AADACL2: variants seen among roughly 807,000 people sequenced by gnomAD.
The protein encoded by AADACL2 is arylacetamide deacetylase-like 2.
AADACL2 carries 23 observed loss-of-function variants against 22.3 expected under a neutral mutation model. That is an observed-to-expected ratio of 1.03 (90% CI 0.74 to 1.46). The LOEUF (loss-of-function observed/expected upper bound fraction) is 1.46. Among genes scored for constraint, AADACL2 ranks in the 40% most tolerant of loss-of-function variants. The pLI, the probability that AADACL2 is intolerant of heterozygous loss-of-function variation, is 0.00. For missense variants in AADACL2, 472 were observed against 482.9 expected, an observed-to-expected ratio of 0.98 and a Z score of 0.21; for synonymous variants, 177 against 166.2, an observed-to-expected ratio of 1.07 and a Z score of -0.50.
intron 2 of AADACL2, among the ~76,000 whole-genome samples, chr3:151,741,622 G>A (rs771419006): frequency 5.9e-5 from 9 of 152,108 alleles, no homozygotes; most frequent in East Asian, 3.9e-4. Flanking sequence ...TATATCATGT[G>A]TTAAAATGGT....
chr3:151,749,641 C>T (rs1337481731), intron 4 of AADACL2, among the ~76,000 whole-genome samples: 1 of 152,054 alleles, frequency 6.6e-6, no homozygotes, highest in Non-Finnish European at 1.5e-5. Context: ...CGCCATCATG[C>T]CTGGCTAATT....
At chr3:151,747,573 G>C (rs1713494742) in intron 4 of AADACL2, among the ~76,000 whole-genome samples, 1 of 151,738 alleles carries the variant, frequency 6.6e-6, no homozygotes. Context: ...CCAATGACAG[G>C]ATTTTCTTCT....
chr3:151,747,121 G>A lies in AADACL2; in HGVS notation c.603+1441G>A, dbSNP rs192497400. Among the ~76,000 whole-genome samples, 598 of 152,000 alleles carry A rather than the reference G, an allele frequency of 3.9e-3. 4 individuals carry two copies. The highest frequency in any genetic ancestry group is 0.014 in the African/African-American group (574 of 41,466). ...GTTGTATTGAGGTACAGTTGAAAAG[G>A]AAAAATCATATGTATTTAAGATGTA... On this transcript the variant is annotated intron_variant, in intron 4 of 4. Transcript: ENST00000356517.
chr3:151,736,800 A>G (rs1040534185), intron 1 of AADACL2, among the ~76,000 whole-genome samples: 11 of 152,276 alleles, frequency 7.2e-5, no homozygotes, highest in African/African-American at 2.6e-4. Context: ...TGCATGTGTC[A>G]TTACAGTAGA....
chr3:151,740,498 C>A (rs1351825818), intron 1 of AADACL2, 148 bp from the exon 2 acceptor site: 2 of 591,188 alleles, frequency 3.4e-6, no homozygotes, highest in Non-Finnish European at 5.6e-6. Context: ...AAGATCTTTA[C>A]AGTATTATTT....
chr3:151,745,503 T>C lies in AADACL2; in HGVS notation c.432-6T>C. ...CCATAAATGCTTTATTATTCTTTCT[T>C]TAAAGCTATAGGCTGGCTCCTCAAC... On this transcript the variant is annotated splice_region_variant and splice_polypyrimidine_tract_variant and intron_variant, in intron 3 of 4. Coordinates refer to ENST00000356517, the MANE Select transcript of AADACL2 (RefSeq NM_207365.4). 1 of 1,608,778 alleles carries C rather than the reference T, an allele frequency of 6.2e-7. No homozygotes were observed. The highest frequency in any genetic ancestry group is 8.5e-7 in the Non-Finnish European group (1 of 1,178,290).
At chr3:151,747,620 G>GTA (rs1713496928) in intron 4 of AADACL2, among the ~76,000 whole-genome samples, 1 of 131,400 alleles carries the variant, frequency 7.6e-6, no homozygotes, top group South Asian at 2.1e-4. Flanking sequence ...GTGTGTGTTT[G>GTA]TGTGTGTGTG....
chr3:151,758,003 C>A lies in AADACL2; in HGVS notation c.*409C>A, dbSNP rs368348047. On this transcript the variant is annotated 3_prime_UTR_variant, in exon 5 of 5. Transcript: ENST00000356517. Reference sequence around the variant, plus strand: ...TATGGAAACCACTGGACTAAATAAACCCTAAGGACCCTATATTAGTTTCCT... The same window carrying A: ...TATGGAAACCACTGGACTAAATAAAACCTAAGGACCCTATATTAGTTTCCT... 10 of 158,422 alleles carry A rather than the reference C, an allele frequency of 6.3e-5. No individual in the cohort carries two copies. The East Asian group carries it at 7.4e-4, about 12-fold the overall frequency. The allele number at this position is 158,422 out of a possible 1,614,324, so 9.8% of individuals were successfully genotyped here.
intron 1 of AADACL2, among the ~76,000 whole-genome samples, chr3:151,737,708 T>C (rs1418733274): frequency 6.6e-6 from 1 of 152,224 alleles, no homozygotes; most frequent in Non-Finnish European, 1.5e-5. Flanking sequence ...ACCTTTACCA[T>C]TGTGTAATGT....
chr3:151,741,127 A>G (rs893344973), intron 2 of AADACL2, among the ~76,000 whole-genome samples: 5 of 152,174 alleles, frequency 3.3e-5, no homozygotes, highest in African/African-American at 7.2e-5. Context: ...GAATGAACAT[A>G]TATCAAAGGA....
chr3:151,736,437 A>G (rs530764077), intron 1 of AADACL2, among the ~76,000 whole-genome samples: 55 of 151,838 alleles, frequency 3.6e-4, no homozygotes, highest in African/African-American at 1.3e-3. Flanking sequence ...TAAGCCCTGC[A>G]TGCATTAAGT....
In AADACL2 at chr3:151,756,537, T is replaced by G. The variant is rs1713912524; in HGVS notation, c.604-455T>G. ...ATGTTTAAGATTTTTTTTTAGATTC[T>G]ATAATGAAATAATATGATTTAATAG... On this transcript the variant is annotated intron_variant, in intron 4 of 4. Coordinates refer to ENST00000356517, the MANE Select transcript of AADACL2 (RefSeq NM_207365.4). Among the ~76,000 whole-genome samples, 3 of 152,076 alleles carry G rather than the reference T, an allele frequency of 2.0e-5. No individual in the cohort carries two copies. The South Asian group carries it at 6.2e-4, about 32-fold the overall frequency.
intron 4 of AADACL2, among the ~76,000 whole-genome samples, chr3:151,749,988 T>C (rs1211566064): frequency 6.6e-6 from 1 of 152,246 alleles, no homozygotes; most frequent in Non-Finnish European, 1.5e-5. Context: ...AGCTTGTCTA[T>C]ATGGCCTTTA....
intron 4 of AADACL2, among the ~76,000 whole-genome samples, chr3:151,746,088 G>A (rs1327216045): frequency 1.3e-5 from 2 of 152,002 alleles, no homozygotes; most frequent in East Asian, 3.8e-4. Flanking sequence ...TACATGGCAT[G>A]TCTCATACTT....
chr3:151,736,054 A>T (rs1315466259), intron 1 of AADACL2, among the ~76,000 whole-genome samples: 2 of 152,108 alleles, frequency 1.3e-5, no homozygotes, highest in African/African-American at 4.8e-5. Flanking sequence ...AAGCCAAAAA[A>T]TTTGGATTAT....
intron 1 of AADACL2, among the ~76,000 whole-genome samples, chr3:151,734,718 G>C (rs1348975764): frequency 6.6e-6 from 1 of 152,022 alleles, no homozygotes; most frequent in Admixed American, 6.6e-5. Context: ...GGAGAGATAG[G>C]GTTAGAAACT....
intron 4 of AADACL2, among the ~76,000 whole-genome samples, chr3:151,754,820 C>T (rs1446157954): frequency 6.6e-6 from 1 of 152,104 alleles, no homozygotes; most frequent in Non-Finnish European, 1.5e-5. Context: ...AAAGTAATAA[C>T]ATCCTGAGAT....
intron 1 of AADACL2, among the ~76,000 whole-genome samples, chr3:151,738,582 G>A (rs184282318): frequency 2.2e-3 from 330 of 152,304 alleles, no homozygotes; most frequent in African/African-American, 7.7e-3. Context: ...ATATCCTGAG[G>A]TGTGTTTTCC....
In AADACL2 at chr3:151,733,945, C is replaced by G. The variant is rs1713004714; in HGVS notation, c.-91C>G. On this transcript the variant is annotated 5_prime_UTR_variant, in exon 1 of 5. Transcript: ENST00000356517. ...GATGATCATATCACCTGAGAGAGTT[C>G]CCAAGTCTACAATTGCTCTACTAGT... 1 of 1,352,528 alleles carries G rather than the reference C, an allele frequency of 7.4e-7. No homozygotes were observed. The highest frequency in any genetic ancestry group is 2.7e-5 in the Admixed American group (1 of 36,462). 83.8% of individuals were successfully genotyped at this position (1,352,528 alleles called of 1,614,324 possible). A position where few individuals can be genotyped will look rare whatever the true frequency, so the allele number is the denominator to read the frequency against.
Sources: gnomAD v4.1 joint callset for allele counts (sites outside exome capture counted in the v4.1 genomes callset) on GRCh38, gnomAD v4.1.1 for gene constraint, MANE v1.5 for transcripts, NCBI Gene and HGNC (gene_info 2026-07-23, HGNC 2026-07-21) for gene names.